Variants in RPS6KA2 observed in about 807,000 individuals in gnomAD.
The protein encoded by RPS6KA2 is ribosomal protein S6 kinase A2, also known as ribosomal protein S6 kinase alpha-2.
Under a neutral mutation model 91.8 loss-of-function variants are expected in RPS6KA2, and 42 were observed. That is an observed-to-expected ratio of 0.46 (90% CI 0.36 to 0.59). RPS6KA2 has a LOEUF of 0.59. RPS6KA2 is among the 20% of genes least tolerant of loss of function. The pLI is 0.00. For synonymous variants in RPS6KA2, 414 were observed against 393.6 expected (o/e 1.05, Z -0.61); for missense variants, 798 against 978.5 (o/e 0.82, Z 2.46).
intron 2 of RPS6KA2, among the ~76,000 whole-genome samples, chr6:166,637,663 T>C (rs1787291654): frequency 6.6e-6 from 1 of 152,288 alleles, no homozygotes; most frequent in South Asian, 2.1e-4. Flanking sequence ...AGAAAAGCTG[T>C]GGAAAGTGAT....
chr6:166,645,156 C>T (rs576092340), intron 2 of RPS6KA2, among the ~76,000 whole-genome samples: 6 of 152,312 alleles, frequency 3.9e-5, no homozygotes, highest in African/African-American at 9.6e-5. Flanking sequence ...AAACTACTTA[C>T]GCATCCTTTA....
At position 166,623,972 on chromosome 6, in the gene RPS6KA2, G is replaced by A. The variant is rs555918142; in HGVS notation, c.99+2949C>T. On this transcript the variant is annotated intron_variant, in intron 1 of 20. Transcript: ENST00000265678. Reference sequence around the variant, plus strand: ...TCACTTAGGGTTTAGCAAATGTTGGGTTATGGACGTAAAATTTATTTTAAA... The same window carrying A: ...TCACTTAGGGTTTAGCAAATGTTGGATTATGGACGTAAAATTTATTTTAAA... Among the ~76,000 whole-genome samples, 9 of 152,254 alleles carry A rather than the reference G, an allele frequency of 5.9e-5. No homozygotes were observed. In the South Asian group the frequency reaches 1.9e-3, roughly 32 times the overall value.
chr6:166,795,982 GATT>G (rs1433044324), intron 2 of RPS6KA2, among the ~76,000 whole-genome samples: 1 of 152,216 alleles, frequency 6.6e-6, no homozygotes, highest in East Asian at 1.9e-4. Context: ...GCACTATAAA[GATT>G]ATTTTAATCT....
At chr6:166,700,146 A>G (rs1043090461) in intron 2 of RPS6KA2, among the ~76,000 whole-genome samples, 2 of 152,260 alleles carry the variant, frequency 1.3e-5, no homozygotes, top group African/African-American at 4.8e-5. Context: ...TCATGTAGCT[A>G]AACAAAAAAC....
At chr6:166,720,289 A>C (rs1380270106) in intron 2 of RPS6KA2, among the ~76,000 whole-genome samples, 4 of 152,226 alleles carry the variant, frequency 2.6e-5, no homozygotes, top group African/African-American at 9.6e-5. Flanking sequence ...TTATAAACTC[A>C]TAAGTTGGGA....
intron 1 of RPS6KA2, among the ~76,000 whole-genome samples, chr6:166,570,026 C>T (rs1784637670): frequency 6.6e-6 from 1 of 152,208 alleles, no homozygotes. Flanking sequence ...AAAGTACTGT[C>T]TAGACAATTA....
At chr6:166,853,188 C>T (rs1192186706) in intron 2 of RPS6KA2, among the ~76,000 whole-genome samples, 1 of 152,218 alleles carries the variant, frequency 6.6e-6, no homozygotes, top group African/African-American at 2.4e-5. Context: ...CCTGTAGTCA[C>T]AGCACTTTGG....
At chr6:166,491,884 GAAT>G (rs1184926745) in intron 8 of RPS6KA2, among the ~76,000 whole-genome samples, 1 of 152,074 alleles carries the variant, frequency 6.6e-6, no homozygotes, top group Non-Finnish European at 1.5e-5. Flanking sequence ...ACTTTTCACA[GAAT>G]AATATAAAAC....
intron 2 of RPS6KA2, among the ~76,000 whole-genome samples, chr6:166,802,764 G>T (rs1234425392): frequency 6.6e-6 from 1 of 152,196 alleles, no homozygotes; most frequent in Non-Finnish European, 1.5e-5. Context: ...AGTTTAGCCA[G>T]TGGTTGAACG....
intron 2 of RPS6KA2, among the ~76,000 whole-genome samples, chr6:166,761,510 G>A (rs924688708): frequency 6.6e-6 from 1 of 152,222 alleles, no homozygotes; most frequent in Non-Finnish European, 1.5e-5. Flanking sequence ...ATTGTTGACA[G>A]GTGAGCATCC....
In RPS6KA2 at chr6:166,432,476, G is replaced by C; in HGVS notation, c.1347C>G (p.Ser449Arg). 1.2e-6 allele frequency: 2 copies of C among 1,611,824 alleles called. No individual in the cohort carries two copies. The highest frequency in any genetic ancestry group is 1.7e-6 in the Non-Finnish European group (2 of 1,178,014). ...TEYAVKIIDK[S>R]KRDPSEEIEI... ...CAATCTCTTCCGAGGGGTCTCTCTT[G>C]CTCTTATCAATGATCTGGAACAAAC... is the stretch of plus-strand genomic sequence containing the variant. Residue 449 changes from serine (S) to arginine (R), a missense_variant, in exon 15 of 21, where the codon AGC (serine) becomes AGG (arginine). Ser to Arg is a moderately radical substitution (Grantham distance 110). Transcript: ENST00000265678.
intron 10 of RPS6KA2, among the ~76,000 whole-genome samples, chr6:166,487,668 G>A (rs933001830): frequency 6.6e-6 from 1 of 152,228 alleles, no homozygotes; most frequent in Non-Finnish European, 1.5e-5. Context: ...ATCTGGATTA[G>A]AAGTTGGATG....
intron 2 of RPS6KA2, among the ~76,000 whole-genome samples, chr6:166,751,827 A>G (rs1791294846): frequency 6.6e-6 from 1 of 152,136 alleles, no homozygotes; most frequent in Admixed American, 6.5e-5. Context: ...ACATGTCTTC[A>G]TGACGATTCA....
At chr6:166,496,590 G>C (rs938911350) in intron 8 of RPS6KA2, among the ~76,000 whole-genome samples, 4 of 151,950 alleles carry the variant, frequency 2.6e-5, no homozygotes, top group Non-Finnish European at 4.4e-5. Flanking sequence ...ACTCCAGCCT[G>C]GCCTCTTGTT....
rs1054844136 is a variant in RPS6KA2, at chr6:166,635,514, G to A, written c.124-96730C>T. Among the ~76,000 whole-genome samples, 3 of 152,254 alleles carry A rather than the reference G, an allele frequency of 2.0e-5. No homozygotes were observed. The highest frequency in any genetic ancestry group is 2.9e-5 in the Non-Finnish European group (2 of 68,036). On this transcript the variant is annotated intron_variant, in intron 2 of 21. Transcript: ENST00000503859. This position sits in a 1 kb window ranked among gnomAD's most constrained non-coding sequence, Gnocchi z 4.8. ...CAGATACACAGGGACAGACAAGGGTGTTCCGTCAGGGAAGCTCAGGCTAAA... is the reference window on the plus strand; with the variant it reads ...CAGATACACAGGGACAGACAAGGGTATTCCGTCAGGGAAGCTCAGGCTAAA...
rs896706412 is a variant in RPS6KA2, at chr6:166,490,113, G to T, written c.818+558C>A. Among the ~76,000 whole-genome samples, 3 of 152,184 alleles carry T rather than the reference G, an allele frequency of 2.0e-5. No homozygotes were observed. Among genetic ancestry groups the T allele is most frequent in the Non-Finnish European group, 2.9e-5 (2 of 68,040 alleles). On this transcript the variant is annotated intron_variant, in intron 9 of 20. Coordinates refer to ENST00000265678, the MANE Select transcript of RPS6KA2 (RefSeq NM_021135.6). The surrounding 1 kb of genome is among the most constrained non-coding windows in gnomAD (Gnocchi z 4.2). ...AGAGCAAAACCTTGGCTTAGTAAAT[G>T]ATTTTTCATGAGAATTAAGCAGAAA...
At chr6:166,556,272 G>A (rs1784174833) in intron 1 of RPS6KA2, among the ~76,000 whole-genome samples, 1 of 152,140 alleles carries the variant, frequency 6.6e-6, no homozygotes, top group African/African-American at 2.4e-5. Flanking sequence ...CTCACCCACT[G>A]GGTGCAAATT....
At chr6:166,771,609 CT>C (rs1778474599) in intron 2 of RPS6KA2, among the ~76,000 whole-genome samples, 1 of 152,208 alleles carries the variant, frequency 6.6e-6, no homozygotes, top group African/African-American at 2.4e-5. Context: ...CTCCTTTAGC[CT>C]TTTCCTGCCA....
intron 2 of RPS6KA2, among the ~76,000 whole-genome samples, chr6:166,646,366 C>G (rs1455050928): frequency 6.6e-6 from 1 of 152,226 alleles, no homozygotes; most frequent in Non-Finnish European, 1.5e-5. Flanking sequence ...AGAGCCAAAC[C>G]TTCCAAGAGG....
Sources: gnomAD v4.1 joint callset for allele counts (sites outside exome capture counted in the v4.1 genomes callset) on GRCh38, gnomAD v4.1.1 for gene constraint, Gnocchi (gnomAD v3.1) non-coding constraint, MANE v1.5 for transcripts, NCBI Gene and HGNC (gene_info 2026-07-23, HGNC 2026-07-21) for gene names.